The following KHDRBS3 variants were observed in gnomAD, a reference collection of about 807,000 sequenced individuals.
KHDRBS3 encodes the protein KH RNA binding domain containing, signal transduction associated 3, also known as KH domain-containing, RNA-binding, signal transduction-associated protein 3.
KHDRBS3 carries 23 observed loss-of-function variants against 45.6 expected under a neutral mutation model. That is an observed-to-expected ratio of 0.50 (90% CI 0.36 to 0.72). The LOEUF (loss-of-function observed/expected upper bound fraction) is 0.72, where lower values mean the gene tolerates loss of function less well. Ranked by LOEUF, KHDRBS3 falls within the 30% of genes least tolerant of loss-of-function variation. KHDRBS3 has a pLI of 0.00. For missense variants in KHDRBS3, 352 were observed against 424.8 expected (o/e 0.83, Z 1.51); for synonymous variants, 162 against 156.5 (o/e 1.04, Z -0.26).
At chr8:135,629,006 G>A (rs1272841409) in intron 7 of KHDRBS3, among the ~76,000 whole-genome samples, 4 of 152,178 alleles carry the variant, frequency 2.6e-5, no homozygotes, top group Non-Finnish European at 5.9e-5. Context: ...GAAGGCCAGT[G>A]GTTGGGCCAC....
intron 7 of KHDRBS3, among the ~76,000 whole-genome samples, chr8:135,638,367 A>G (rs1830907537): frequency 6.6e-6 from 1 of 152,172 alleles, no homozygotes; most frequent in South Asian, 2.1e-4. Flanking sequence ...ATCCCACCTA[A>G]TAGTATATTG....
intron 7 of KHDRBS3, among the ~76,000 whole-genome samples, chr8:135,622,246 A>T (rs1830177577): frequency 1.3e-5 from 2 of 152,204 alleles, no homozygotes; most frequent in Non-Finnish European, 2.9e-5. Flanking sequence ...TTATTGAATA[A>T]ATATAGAGAG....
intron 7 of KHDRBS3, among the ~76,000 whole-genome samples, chr8:135,612,555 A>G (rs1376126481): frequency 6.6e-6 from 1 of 151,846 alleles, no homozygotes; most frequent in Non-Finnish European, 1.5e-5. Context: ...CTTATCTAAC[A>G]TGTCTTGATT....
chr8:135,472,926 G>A (rs1343638173), intron 1 of KHDRBS3, among the ~76,000 whole-genome samples: 2 of 152,018 alleles, frequency 1.3e-5, no homozygotes, highest in Non-Finnish European at 2.9e-5. Context: ...TTGAAAGGTT[G>A]GTCAAAGGAA....
chr8:135,522,991 C>G (rs948861959), intron 2 of KHDRBS3, among the ~76,000 whole-genome samples: 1 of 152,070 alleles, frequency 6.6e-6, no homozygotes, highest in African/African-American at 2.4e-5. Flanking sequence ...TATTTCTAAG[C>G]TTTTAGTTCA....
chr8:135,567,957 A>G (rs1199732947), intron 5 of KHDRBS3, among the ~76,000 whole-genome samples: 2 of 152,210 alleles, frequency 1.3e-5, no homozygotes, highest in African/African-American at 2.4e-5. Context: ...CACCACTGCT[A>G]CTTAAGGGGC....
chr8:135,515,884 A>C (rs1428442246), intron 1 of KHDRBS3, among the ~76,000 whole-genome samples: 1 of 152,236 alleles, frequency 6.6e-6, no homozygotes, highest in Non-Finnish European at 1.5e-5. Context: ...CTCCATGCCA[A>C]ATAGATAACT....
chr8:135,507,378 G>A (rs997316883), intron 1 of KHDRBS3, among the ~76,000 whole-genome samples: 2 of 152,210 alleles, frequency 1.3e-5, no homozygotes, highest in Admixed American at 1.3e-4. Context: ...GACAGGCAAT[G>A]TGAAATGACT....
intron 1 of KHDRBS3, among the ~76,000 whole-genome samples, chr8:135,494,565 A>G (rs778447625): frequency 1.7e-4 from 26 of 152,108 alleles, no homozygotes; most frequent in Non-Finnish European, 3.4e-4. Flanking sequence ...GGCTTGAGCC[A>G]CCGCGCCCAG....
intron 6 of KHDRBS3, among the ~76,000 whole-genome samples, chr8:135,605,010 A>G (rs1476826606): frequency 6.6e-6 from 1 of 151,568 alleles, no homozygotes; most frequent in Non-Finnish European, 1.5e-5. Flanking sequence ...AGCTGCTAAT[A>G]TTATAAAAAT....
rs1253131561 is a variant in KHDRBS3, at chr8:135,614,605, C to G, written c.890+7568C>G. 2.0e-5 allele frequency among the ~76,000 whole-genome samples: 3 copies of G among 151,556 alleles called. No individual in the cohort carries two copies. The South Asian group carries it at 6.2e-4, about 31-fold the overall frequency. On this transcript the variant is annotated intron_variant, in intron 7 of 8. Transcript: ENST00000355849. ...TTATAAACTGTCAACAAAAATACTT[C>G]TAACACAGTACTATGTAGACATCAA...
intron 2 of KHDRBS3, chr8:135,540,401 G>A (rs1300462687): frequency 6.6e-6 from 1 of 152,196 alleles, no homozygotes. Flanking sequence ...GAACTGACAA[G>A]AGTAGACTTG....
intron 1 of KHDRBS3, among the ~76,000 whole-genome samples, chr8:135,498,142 A>T (rs1264049523): frequency 1.3e-5 from 2 of 152,336 alleles, no homozygotes; most frequent in East Asian, 3.9e-4. Context: ...ATGAAAAAAA[A>T]AATACAGTTC....
intron 2 of KHDRBS3, among the ~76,000 whole-genome samples, chr8:135,537,793 AATT>A (rs769034094): frequency 4.5e-4 from 68 of 152,338 alleles, no homozygotes; most frequent in Non-Finnish European, 9.0e-4. Context: ...GAACAAATAA[AATT>A]ATTAATGAAT....
intron 1 of KHDRBS3, among the ~76,000 whole-genome samples, chr8:135,478,475 T>G (rs1822404402): frequency 6.6e-6 from 1 of 152,184 alleles, no homozygotes; most frequent in Non-Finnish European, 1.5e-5. Flanking sequence ...GTAAGCCAAC[T>G]AGACTCAACA....
At chr8:135,653,682 G>A (rs1423014973) in intron 4 of KHDRBS3, among the ~76,000 whole-genome samples, 2 of 152,170 alleles carry the variant, frequency 1.3e-5, no homozygotes, top group Non-Finnish European at 2.9e-5. Flanking sequence ...GTATGCTAAT[G>A]TAAGTGTTTT....
At chr8:135,564,534 T>C (rs1349759935) in intron 5 of KHDRBS3, among the ~76,000 whole-genome samples, 1 of 152,188 alleles carries the variant, frequency 6.6e-6, no homozygotes, top group Non-Finnish European at 1.5e-5. Context: ...GGGGCAAATA[T>C]CATGAAAAAA....
chr8:135,460,906 C>T (rs971408590), intron 1 of KHDRBS3, among the ~76,000 whole-genome samples: 8 of 152,144 alleles, frequency 5.3e-5, no homozygotes, highest in Non-Finnish European at 1.0e-4. Flanking sequence ...TGATCAACTT[C>T]CTAACTGAAT....
chr8:135,606,257 C>G (rs1829458159), intron 6 of KHDRBS3, among the ~76,000 whole-genome samples: 1 of 151,928 alleles, frequency 6.6e-6, no homozygotes, highest in Non-Finnish European at 1.5e-5. Flanking sequence ...TGGTCCCGGC[C>G]TTCTAGATTG....
Sources: allele counts gnomAD v4.1 joint callset (sites outside exome capture counted in the v4.1 genomes callset), GRCh38; gene constraint gnomAD v4.1.1; transcripts MANE v1.5; gene names NCBI Gene and HGNC (gene_info 2026-07-23, HGNC 2026-07-21).